B3GALT1: variants seen among roughly 807,000 people sequenced by gnomAD.
B3GALT1 encodes beta-1,3-galactosyltransferase 1.
In B3GALT1, 10 loss-of-function variants were observed where a neutral mutation model predicts 23.2. The observed-to-expected ratio is 0.43, with a 90% confidence interval of 0.27 to 0.73. B3GALT1 has a LOEUF of 0.73. Ranked by LOEUF, B3GALT1 falls within the 30% of genes least tolerant of loss-of-function variation. B3GALT1 has a pLI of 0.21. For synonymous variants in B3GALT1, 156 were observed against 141.5 expected (o/e 1.10, Z -0.73); for missense variants, 299 against 405.4 (o/e 0.74, Z 2.25).
intron 3 of B3GALT1, among the ~76,000 whole-genome samples, chr2:167,737,108 T>C (rs182727618): frequency 1.1e-4 from 16 of 152,224 alleles, no homozygotes; most frequent in African/African-American, 3.6e-4. Context: ...ATTGTTTAGA[T>C]CTCCTTGTCT....
intron 3 of B3GALT1, among the ~76,000 whole-genome samples, chr2:167,681,368 C>T (rs1340695323): frequency 1.3e-5 from 2 of 152,036 alleles, no homozygotes; most frequent in East Asian, 3.9e-4. Flanking sequence ...CCTTTCAACC[C>T]CAGTGAATCT....
At chr2:167,840,272 C>T (rs1337420718) in intron 4 of B3GALT1, among the ~76,000 whole-genome samples, 4 of 152,026 alleles carry the variant, frequency 2.6e-5, no homozygotes, top group East Asian at 1.9e-4. Context: ...ATTTTTGCCA[C>T]CTACTCATCT....
At chr2:167,752,027 C>T (rs1687746331) in intron 3 of B3GALT1, among the ~76,000 whole-genome samples, 1 of 152,136 alleles carries the variant, frequency 6.6e-6, no homozygotes, top group East Asian at 1.9e-4. Context: ...ATGCATAACA[C>T]TGCATTGTTC....
chr2:167,738,796 T>A (rs1245441705), intron 3 of B3GALT1, among the ~76,000 whole-genome samples: 1 of 134,666 alleles, frequency 7.4e-6, no homozygotes, highest in Non-Finnish European at 1.7e-5. Flanking sequence ...GTTCTTTGTA[T>A]ACTTTTGTGG....
At position 167,870,118 on chromosome 2, in the gene B3GALT1, G is replaced by A. The variant is rs933337893; in HGVS notation, c.*98G>A. The stretch of plus-strand genomic sequence containing the variant: ...GTGTCGGGGGAAATGAACTGGTGAA[G>A]GGGTTTTGTAAAGTTTTTGCTTCCT... On this transcript the variant is annotated 3_prime_UTR_variant, in exon 5 of 5. Coordinates refer to ENST00000392690, the MANE Select transcript of B3GALT1 (RefSeq NM_020981.4). 6.3e-5 allele frequency: 83 copies of A among 1,319,032 alleles called. No homozygotes were observed. Among genetic ancestry groups the A allele is most frequent in the Non-Finnish European group, 7.8e-5 (77 of 983,400 alleles). 81.7% of individuals were successfully genotyped at this position (1,319,032 alleles called of 1,614,324 possible).
rs77593833 is a variant in B3GALT1, at chr2:167,322,598, A to G, written c.-511+29264A>G. ...AAAACGAGTGATTTGGATATTGAAAAGTATTTGGTAGCGATTTTGCAAGGG... is the reference window on the plus strand; with the variant it reads ...AAAACGAGTGATTTGGATATTGAAAGGTATTTGGTAGCGATTTTGCAAGGG... On this transcript the variant is annotated intron_variant, in intron 1 of 4. Coordinates refer to ENST00000392690, the MANE Select transcript of B3GALT1 (RefSeq NM_020981.4). Among the ~76,000 whole-genome samples the G allele has an allele frequency of 6.8e-4, 104 of 152,116 alleles. 1 individual carries two copies. The East Asian group carries it at 0.017, about 25-fold the overall frequency.
At chr2:167,419,339 A>G (rs901910639) in intron 1 of B3GALT1, among the ~76,000 whole-genome samples, 5 of 152,236 alleles carry the variant, frequency 3.3e-5, no homozygotes, top group African/African-American at 1.2e-4. Context: ...TTAAAATATA[A>G]CAACCTTTAA....
chr2:167,511,472 A>T (rs935134179), intron 2 of B3GALT1, among the ~76,000 whole-genome samples: 3 of 152,162 alleles, frequency 2.0e-5, no homozygotes, highest in Non-Finnish European at 4.4e-5. Flanking sequence ...CATGATTGTA[A>T]GTTTCCTGAG....
chr2:167,793,109 A>T (rs1315778651), intron 3 of B3GALT1, among the ~76,000 whole-genome samples: 2 of 152,200 alleles, frequency 1.3e-5, no homozygotes. Context: ...TAAGCCCAGA[A>T]TTAGTCAACT....
At chr2:167,316,715 G>A (rs1696725813) in intron 1 of B3GALT1, among the ~76,000 whole-genome samples, 1 of 152,096 alleles carries the variant, frequency 6.6e-6, no homozygotes, top group Non-Finnish European at 1.5e-5. Flanking sequence ...TAGCTAGGCA[G>A]TTGCCCAAAG....
At chr2:167,582,995 C>T (rs1035962321) in intron 2 of B3GALT1, among the ~76,000 whole-genome samples, 1 of 152,192 alleles carries the variant, frequency 6.6e-6, no homozygotes, top group African/African-American at 2.4e-5. Flanking sequence ...CCATCCCACC[C>T]CACCCCTAGT....
At chr2:167,576,961 C>A (rs1411185238) in intron 2 of B3GALT1, among the ~76,000 whole-genome samples, 7 of 151,750 alleles carry the variant, frequency 4.6e-5, no homozygotes, top group South Asian at 2.1e-4. Flanking sequence ...TCCCTGATTT[C>A]TCCCATCTGT....
chr2:167,832,908 G>A (rs536395383), intron 4 of B3GALT1, among the ~76,000 whole-genome samples: 23 of 152,348 alleles, frequency 1.5e-4, no homozygotes, highest in African/African-American at 5.5e-4. Context: ...TGGGGGAGGA[G>A]CGGCTGCACA....
At chr2:167,727,677 T>C (rs1351328714) in intron 3 of B3GALT1, among the ~76,000 whole-genome samples, 2 of 152,210 alleles carry the variant, frequency 1.3e-5, no homozygotes, top group Non-Finnish European at 2.9e-5. Context: ...TTTGAGAGGC[T>C]GGGTACATTC....
At chr2:167,545,789 C>G (rs1057042583) in intron 2 of B3GALT1, among the ~76,000 whole-genome samples, 3 of 152,144 alleles carry the variant, frequency 2.0e-5, no homozygotes, top group African/African-American at 7.2e-5. Context: ...CTTAAAATTA[C>G]AGTTTTATTA....
At chr2:167,470,896 A>G (rs1201952455) in intron 1 of B3GALT1, among the ~76,000 whole-genome samples, 1 of 152,230 alleles carries the variant, frequency 6.6e-6, no homozygotes, top group African/African-American at 2.4e-5. Flanking sequence ...TATAGCTATT[A>G]TAGGGGCACA....
At chr2:167,324,219 GGGCCAA>G (rs1696855444) in intron 1 of B3GALT1, among the ~76,000 whole-genome samples, 1 of 151,924 alleles carries the variant, frequency 6.6e-6, no homozygotes, top group Non-Finnish European at 1.5e-5. Flanking sequence ...TATAGGGTAT[GGGCCAA>G]AATTACCATA....
chr2:167,304,659 GAGAC>G (rs1368981595), intron 1 of B3GALT1, among the ~76,000 whole-genome samples: 2 of 152,032 alleles, frequency 1.3e-5, no homozygotes, highest in Non-Finnish European at 2.9e-5. Flanking sequence ...GAGAGAGAGA[GAGAC>G]AGAGACAGAG....
At chr2:167,557,312 C>A (rs1470087459) in intron 2 of B3GALT1, among the ~76,000 whole-genome samples, 1 of 152,022 alleles carries the variant, frequency 6.6e-6, no homozygotes, top group African/African-American at 2.4e-5. Context: ...GTCACCTTTT[C>A]TAATAAAAAG....
Sources: gnomAD v4.1 joint callset for allele counts (sites outside exome capture counted in the v4.1 genomes callset) on GRCh38, gnomAD v4.1.1 for gene constraint, MANE v1.5 for transcripts, NCBI Gene and HGNC (gene_info 2026-07-23, HGNC 2026-07-21) for gene names.